Variants in BNIPL observed in about 807,000 individuals in gnomAD.
BNIPL encodes BCL2 interacting protein like.
Under a neutral mutation model 47.0 loss-of-function variants are expected in BNIPL, and 33 were observed. The ratio of observed to expected loss-of-function variants is 0.70; its 90% CI spans 0.53 to 0.94. The LOEUF is 0.94. BNIPL is among the 40% of genes least tolerant of loss of function. BNIPL has a pLI of 0.00. For synonymous variants in BNIPL, 145 were observed against 162.7 expected, an observed-to-expected ratio of 0.89 and a Z score of 0.83; for missense variants, 404 against 445.2, an observed-to-expected ratio of 0.91 and a Z score of 0.83.
intron 2 of BNIPL, among the ~76,000 whole-genome samples, 192 bp downstream of exon 2, chr1:151,037,854 G>T (rs952442561): frequency 6.6e-6 from 1 of 151,702 alleles, no homozygotes; most frequent in African/African-American, 2.4e-5. Flanking sequence ...TACAAAATTA[G>T]CCAGGTGTGG....
In BNIPL at chr1:151,043,090, G is replaced by A. The variant is rs772270852; in HGVS notation, c.568G>A (p.Val190Ile). ...CCGAATGGGACCACGGGAGCAGCGC[G>A]TAGACATGACTGTCATTGAGCCCTA... ...VFRMGPREQR[V>I]DMTVIEPYKK... Residue 190 changes from valine (V) to isoleucine (I), a missense_variant, in exon 5 of 10, where the codon GTA becomes ATA. By Grantham distance (29) the Val-to-Ile change is conservative (BLOSUM62 3). Coordinates refer to ENST00000368931, the MANE Select transcript of BNIPL (RefSeq NM_138278.4). The A allele has an allele frequency of 4.6e-5, 74 of 1,612,342 alleles. No homozygotes were observed. Among genetic ancestry groups the A allele is most frequent in the East Asian group, 1.8e-4 (8 of 44,880 alleles).
intron 3 of BNIPL, 80 bp from the exon 4 acceptor site, chr1:151,038,716 T>C: frequency 6.4e-7 from 1 of 1,551,590 alleles, no homozygotes. Context: ...ATATTATCAC[T>C]TTCACATACA....
chr1:151,043,008 G>C lies in BNIPL; in HGVS notation c.486G>C (p.Leu162=). 6.2e-7 allele frequency: 1 copy of C among 1,609,792 alleles called. No individual in the cohort carries two copies. Among genetic ancestry groups the C allele is most frequent in the Non-Finnish European group, 8.5e-7 (1 of 1,178,986 alleles). The change falls in exon 5 of 10, where the codon CTG becomes CTC. Residue 162 remains leucine (L), a synonymous_variant. Transcript: ENST00000368931. ...GCACCAGTGAGACAGCTGAAAGGCT[G>C]GGCCGAGGTTGTATGTGGGATGTGA... is the stretch of plus-strand genomic sequence containing the variant. ...GLGTSETAER[L]GRGCMWDVTG...
Position 151,046,533 on chromosome 1 carries a change from T to C in BNIPL, c.1038-118T>C, listed in dbSNP as rs1676030275. 2.4e-5 allele frequency: 22 copies of C among 932,860 alleles called. No homozygotes were observed. The South Asian group carries it at 3.0e-4, about 13-fold the overall frequency. 57.8% of individuals were successfully genotyped at this position (932,860 alleles called of 1,614,324 possible). A position where few individuals can be genotyped will look rare whatever the true frequency, so the allele number is the denominator to read the frequency against. ...GTTAGGGAGCAAAAGTGCTAAATGATGACTCAACCCAATCATCTAGCTCTT... is the reference window on the plus strand; with the variant it reads ...GTTAGGGAGCAAAAGTGCTAAATGACGACTCAACCCAATCATCTAGCTCTT... On this transcript the variant is annotated intron_variant, in intron 9 of 9. Coordinates refer to ENST00000368931, the MANE Select transcript of BNIPL (RefSeq NM_138278.4).
At chr1:151,040,204 ACAGT>A (rs1328884287) in intron 4 of BNIPL, among the ~76,000 whole-genome samples, 4 of 152,264 alleles carry the variant, frequency 2.6e-5, no homozygotes, top group African/African-American at 9.6e-5. Flanking sequence ...TGTTTTTGAG[ACAGT>A]CTTGCTCTGT....
At position 151,047,535 on chromosome 1, in the gene BNIPL, C is replaced by T; in HGVS notation, c.*848C>T. On this transcript the variant is annotated 3_prime_UTR_variant, in exon 10 of 10. Coordinates refer to ENST00000368931, the MANE Select transcript of BNIPL (RefSeq NM_138278.4). ...CTTTCAAAACCTGTATTTTTGCCCT[C>T]TTTAGTAAATTTAGAACTGTAGAGG... is the stretch of plus-strand genomic sequence containing the variant. 2.9e-6 allele frequency: 1 copy of T among 344,772 alleles called. No homozygotes were observed. The allele number at this position is 344,772 out of a possible 1,614,324, so 21.4% of individuals were successfully genotyped here. A position where few individuals can be genotyped will look rare whatever the true frequency, so the allele number is the denominator to read the frequency against.
chr1:151,043,372 T>A lies in BNIPL; in HGVS notation c.657T>A (p.Ala219=). ...GCCTCAATGCTGTCATCCTTTTTGC[T>A]TCCTGTTATCTACCCAGAAGCAGCA... ...GDGLNAVILF[A]SCYLPRSSIP... Residue 219 remains alanine (A), a synonymous_variant, in exon 6 of 10, where the codon GCT becomes GCA. Transcript: ENST00000368931. 1 of 1,612,616 alleles carries A rather than the reference T, an allele frequency of 6.2e-7. No homozygotes were observed. The highest frequency in any genetic ancestry group is 8.5e-7 in the Non-Finnish European group (1 of 1,178,592).
At chr1:151,036,812 G>T (rs778441238) in intron 1 of BNIPL, 46 bp downstream of exon 1, 1 of 1,554,462 alleles carries the variant, frequency 6.4e-7, no homozygotes, top group South Asian at 1.1e-5. Context: ...TGAATAAACA[G>T]TCCGGAGAGA....
At position 151,036,656 on chromosome 1, in the gene BNIPL, G is replaced by C. The variant is rs587687628; in HGVS notation, c.-70G>C. 1 of 1,372,584 alleles carries C rather than the reference G, an allele frequency of 7.3e-7. No homozygotes were observed. Among genetic ancestry groups the C allele is most frequent in the African/African-American group, 1.4e-5 (1 of 69,886 alleles). The allele number at this position is 1,372,584 out of a possible 1,614,324, so 85.0% of individuals were successfully genotyped here. ...GACAGAAAAGAGGTAAGGAAGTGTT[G>C]GGGGCTGGGACAACCAGCTCCCCAA... On this transcript the variant is annotated 5_prime_UTR_variant, in exon 1 of 10. Coordinates refer to ENST00000368931, the MANE Select transcript of BNIPL (RefSeq NM_138278.4).
At position 151,036,766 on chromosome 1, in the gene BNIPL, G is replaced by C; in HGVS notation, c.41G>C (p.Gly14Ala). The C allele has an allele frequency of 6.2e-7, 1 of 1,608,526 alleles. No individual in the cohort carries two copies. Among genetic ancestry groups the C allele is most frequent in the Non-Finnish European group, 8.5e-7 (1 of 1,174,974 alleles). Residue 14 changes from glycine to alanine, a missense_variant and splice_region_variant, in exon 1 of 10, where the codon GGG (glycine) becomes GCG (alanine). By Grantham distance (60) the Gly-to-Ala change is moderately conservative. Coordinates refer to ENST00000368931, the MANE Select transcript of BNIPL (RefSeq NM_138278.4). ...GAGGCAGGAAAAAAGACAGATGTTG[G>C]GTAAGTAAGATCTTGGCTCACTTGA... ...IQEAGKKTDVGVREIAEAPEL... is the reference protein window; with the variant it reads ...IQEAGKKTDVAVREIAEAPEL...
chr1:151,039,265 A>G (rs2102960732), intron 4 of BNIPL, among the ~76,000 whole-genome samples: 1 of 152,310 alleles, frequency 6.6e-6, no homozygotes, highest in South Asian at 2.1e-4. Flanking sequence ...GTTACATACT[A>G]TCATGTATAG....
At position 151,047,600 on chromosome 1, in the gene BNIPL, G is replaced by A; in HGVS notation, c.*913G>A. 1.8e-6 allele frequency: 1 copy of A among 556,978 alleles called. No homozygotes were observed. The highest frequency in any genetic ancestry group is 2.8e-5 in the South Asian group (1 of 35,594). The allele number at this position is 556,978 out of a possible 1,614,324, so 34.5% of individuals were successfully genotyped here. A position where few individuals can be genotyped will look rare whatever the true frequency, so the allele number is the denominator to read the frequency against. The stretch of plus-strand genomic sequence containing the variant: ...TGAGACATTTAAGCTCTGCTCCAAA[G>A]AAGTGAACGACTCTTTCACCACCCC... On this transcript the variant is annotated 3_prime_UTR_variant, in exon 10 of 10. Transcript: ENST00000368931.
intron 2 of BNIPL, among the ~76,000 whole-genome samples, chr1:151,038,004 A>C (rs1675684089): frequency 6.7e-5 from 1 of 15,034 alleles, no homozygotes; most frequent in South Asian, 4.6e-3. Flanking sequence ...CTGTCTCAAA[A>C]AAAAAAAAAA....
At chr1:151,037,183 T>C in intron 1 of BNIPL, 1 of 313,540 alleles carries the variant, frequency 3.2e-6, no homozygotes, top group Non-Finnish European at 5.3e-6. Flanking sequence ...CCTTAGCCAC[T>C]CCCCAGCTCG....
chr1:151,044,355 A>C (rs1347139854), intron 7 of BNIPL, among the ~76,000 whole-genome samples: 3 of 152,218 alleles, frequency 2.0e-5, no homozygotes, highest in African/African-American at 7.2e-5. Context: ...AAAATCGAGT[A>C]AATTAGTGTG....
At position 151,043,689 on chromosome 1, in the gene BNIPL, A is replaced by C; in HGVS notation, c.813A>C (p.Leu271=). 1 of 1,613,930 alleles carries C rather than the reference A, an allele frequency of 6.2e-7. No individual in the cohort carries two copies. The highest frequency in any genetic ancestry group is 8.5e-7 in the Non-Finnish European group (1 of 1,179,846). ...CAAGCAGGGCCCAAGTTCCACCTCT[A>C]AGCTGGATACGTCAGTGTTACCGTA... is the stretch of plus-strand genomic sequence containing the variant. ...GGTSRAQVPP[L]SWIRQCYRTL... is the part of the protein sequence containing the mutation. Residue 271 remains leucine, a synonymous_variant, in exon 7 of 10, where the codon CTA becomes CTC. Transcript: ENST00000368931.
At chr1:151,042,804 ACT>A in intron 4 of BNIPL, 150 bp from the exon 5 acceptor site, 1 of 618,148 alleles carries the variant, frequency 1.6e-6, no homozygotes, top group Non-Finnish European at 2.6e-6. Context: ...ACAGAGTGAG[ACT>A]CTGTCTCAAA....
In BNIPL at chr1:151,036,748, G is replaced by C; in HGVS notation, c.23G>C (p.Gly8Ala). MGTIQEA[G>A]KKTDVGVREI... ...AAGATGGGAACTATACAAGAGGCAG[G>C]AAAAAAGACAGATGTTGGGTAAGTA... Residue 8 changes from glycine to alanine, a missense_variant, in exon 1 of 10, where the codon GGA becomes GCA. Coordinates refer to ENST00000368931, the MANE Select transcript of BNIPL (RefSeq NM_138278.4). 6.2e-7 allele frequency: 1 copy of C among 1,611,714 alleles called. No individual in the cohort carries two copies. The highest frequency in any genetic ancestry group is 1.3e-5 in the African/African-American group (1 of 74,940).
chr1:151,045,982 C>T, intron 8 of BNIPL, 85 bp from the exon 9 acceptor site: 2 of 1,612,568 alleles, frequency 1.2e-6, no homozygotes, highest in South Asian at 2.2e-5. Flanking sequence ...GCCTTAACCA[C>T]TCTACTTCTA....
Sources: gnomAD v4.1 joint callset for allele counts (sites outside exome capture counted in the v4.1 genomes callset) on GRCh38, gnomAD v4.1.1 for gene constraint, MANE v1.5 for transcripts, NCBI Gene and HGNC (gene_info 2026-07-23, HGNC 2026-07-21) for gene names.